The following DPY19L1 variants were observed in gnomAD, a reference collection of about 807,000 sequenced individuals.
DPY19L1 encodes the protein dpy-19 like C-mannosyltransferase 1, also known as protein C-mannosyl-transferase DPY19L1.
DPY19L1 carries 35 observed loss-of-function variants against 96.9 expected under a neutral mutation model. That is an observed-to-expected ratio of 0.36 (90% CI 0.28 to 0.48). The LOEUF is 0.48. DPY19L1 is among the 20% of genes least tolerant of loss of function. The pLI is 0.99. For missense variants in DPY19L1, 521 were observed against 777.9 expected, an observed-to-expected ratio of 0.67 and a Z score of 3.93; for synonymous variants, 205 against 252.6, an observed-to-expected ratio of 0.81 and a Z score of 1.79.
intron 1 of DPY19L1, 61 bp from the exon 2 acceptor site, chr7:35,018,657 A>C (rs1210606273): frequency 1.0e-5 from 15 of 1,447,304 alleles, no homozygotes; most frequent in Non-Finnish European, 1.2e-5. Flanking sequence ...CTTACAGAAA[A>C]GCCATTTCAA....
At chr7:34,946,157 A>G (rs1471974035) in intron 15 of DPY19L1, among the ~76,000 whole-genome samples, 4 of 152,198 alleles carry the variant, frequency 2.6e-5, no homozygotes, top group Non-Finnish European at 5.9e-5. Flanking sequence ...AGCATTCAAA[A>G]CACAGTCACT....
chr7:35,017,518 A>C (rs113238099), intron 3 of DPY19L1, among the ~76,000 whole-genome samples: 1,882 of 91,040 alleles, frequency 0.021, 123 homozygotes, highest in African/African-American at 0.046. Flanking sequence ...AAAAAAAAAA[A>C]AAAATTAGCC....
chr7:35,002,210 AG>A (rs1785444695), intron 6 of DPY19L1, among the ~76,000 whole-genome samples: 1 of 151,862 alleles, frequency 6.6e-6, no homozygotes, highest in Non-Finnish European at 1.5e-5. Context: ...TTATTCTGGG[AG>A]GGTAAAAACA....
At chr7:35,000,209 G>A (rs1195100753) in intron 6 of DPY19L1, among the ~76,000 whole-genome samples, 2 of 152,108 alleles carry the variant, frequency 1.3e-5, no homozygotes, top group Non-Finnish European at 2.9e-5. Context: ...TCATAAAAAT[G>A]TTCCAGATAA....
rs757541421 is a variant in DPY19L1 at position 34,938,091 on chromosome 7, A to G, written c.1993T>C (p.Tyr665His). ...ACTTCTTCGGCTGCTTTCCGACTAT[A>G]CATTGAGTATACTATTTTTGTTCTG... ...RARTKIVYSM[Y>H]SRKAAEEVKR... The change falls in exon 21 of 22, where the codon TAT (tyrosine) becomes CAT (histidine). Residue 665 changes from tyrosine (Y) to histidine (H), a missense_variant. Coordinates refer to ENST00000638088, the MANE Select transcript of DPY19L1 (RefSeq NM_001366673.1). 6.2e-7 allele frequency: 1 copy of G among 1,613,834 alleles called. No homozygotes were observed. The highest frequency in any genetic ancestry group is 1.7e-5 in the Admixed American group (1 of 60,004).
intron 1 of DPY19L1, among the ~76,000 whole-genome samples, chr7:35,027,246 T>C (rs1254924209): frequency 6.6e-6 from 1 of 151,942 alleles, no homozygotes; most frequent in Admixed American, 6.6e-5. Flanking sequence ...TCTCTTTGGT[T>C]GTCTCCATCC....
At chr7:34,951,072 CAATA>C (rs1784257822) in intron 13 of DPY19L1, among the ~76,000 whole-genome samples, 1 of 151,774 alleles carries the variant, frequency 6.6e-6, no homozygotes, top group East Asian at 1.9e-4. Context: ...TGAAAAGAGA[CAATA>C]AATATTATAT....
intron 11 of DPY19L1, among the ~76,000 whole-genome samples, chr7:34,956,505 G>A (rs1784382225): frequency 6.6e-6 from 1 of 151,684 alleles, no homozygotes; most frequent in South Asian, 2.1e-4. Flanking sequence ...TTTGAGAAAT[G>A]GGTATTTTTT....
At position 34,990,274 on chromosome 7, in the gene DPY19L1, T is replaced by C. The variant is rs559159825; in HGVS notation, c.765-333A>G. ...TTTTTATTTTCTTTAGTACCTCATA[T>C]TTATTTATGTCCTTCAACATTTCTC... On this transcript the variant is annotated intron_variant, in intron 6 of 21. Coordinates refer to ENST00000638088, the MANE Select transcript of DPY19L1 (RefSeq NM_001366673.1). Among the ~76,000 whole-genome samples the C allele has an allele frequency of 3.9e-5, 6 of 152,300 alleles. No homozygotes were observed. In the East Asian group the frequency reaches 1.2e-3, roughly 29 times the overall value.
At chr7:34,960,212 A>T (rs1784473964) in intron 10 of DPY19L1, among the ~76,000 whole-genome samples, 1 of 151,736 alleles carries the variant, frequency 6.6e-6, no homozygotes, top group South Asian at 2.1e-4. Flanking sequence ...AGCTTCAAAA[A>T]CTAAAATTTT....
chr7:34,956,642 T>C (rs1784385737), intron 11 of DPY19L1, among the ~76,000 whole-genome samples: 1 of 151,940 alleles, frequency 6.6e-6, no homozygotes, highest in Non-Finnish European at 1.5e-5. Context: ...TAGCTGGGAC[T>C]ACAGGCGCCC....
At chr7:35,003,548 A>T (rs1423283876) in intron 6 of DPY19L1, among the ~76,000 whole-genome samples, 1 of 152,212 alleles carries the variant, frequency 6.6e-6, no homozygotes. Context: ...AGCCAGGGTA[A>T]ACAGTGGTGA....
At chr7:35,019,070 GAGA>G (rs1057117971) in intron 1 of DPY19L1, among the ~76,000 whole-genome samples, 19 of 152,062 alleles carry the variant, frequency 1.2e-4, no homozygotes, top group African/African-American at 4.6e-4. Flanking sequence ...ATGAGTAAAG[GAGA>G]AGAAAAGGTA....
In DPY19L1 at chr7:35,028,763, T is replaced by C. The variant is rs566045220; in HGVS notation, c.298+8334A>G. On this transcript the variant is annotated intron_variant, in intron 1 of 21. Transcript: ENST00000638088. ...CATACTTATGGTTATTTTTTGATTA[T>C]ATGCTAAACAAGGGGTGGATTATTC... 4.6e-5 allele frequency among the ~76,000 whole-genome samples: 7 copies of C among 152,342 alleles called. No individual in the cohort carries two copies. The South Asian group carries it at 1.0e-3, about 23-fold the overall frequency.
At chr7:34,981,314 T>C (rs1275149828) in intron 7 of DPY19L1, among the ~76,000 whole-genome samples, 1 of 152,168 alleles carries the variant, frequency 6.6e-6, no homozygotes, top group Non-Finnish European at 1.5e-5. Flanking sequence ...GATTTATCTT[T>C]ATAGAACACC....
At chr7:35,011,232 T>G in intron 5 of DPY19L1, 98 bp downstream of exon 5, 1 of 1,394,624 alleles carries the variant, frequency 7.2e-7, no homozygotes, top group Non-Finnish European at 9.9e-7. Context: ...AAAATGGGTG[T>G]TGTTTATACC....
At chr7:34,941,490 A>T (rs1406254966) in intron 18 of DPY19L1, among the ~76,000 whole-genome samples, 2 of 152,360 alleles carry the variant, frequency 1.3e-5, no homozygotes, top group East Asian at 3.9e-4. Context: ...TTATTTGTAC[A>T]ATTAAGCTCT....
rs540495641 is a variant in DPY19L1, at chr7:34,976,257, C to T, written c.823-2652G>A. On this transcript the variant is annotated intron_variant, in intron 7 of 21. Transcript: ENST00000638088. ...TAGGACTTTGGAAGTTTATTTCAAC[C>T]CTCATGGGAGACTTAGATGGGCTCA... is the stretch of plus-strand genomic sequence containing the variant. 3.3e-5 allele frequency among the ~76,000 whole-genome samples: 5 copies of T among 152,258 alleles called. No individual in the cohort carries two copies. In the East Asian group the frequency reaches 5.8e-4, roughly 18 times the overall value.
chr7:35,002,657 T>C (rs996122110), intron 6 of DPY19L1, among the ~76,000 whole-genome samples: 82 of 152,076 alleles, frequency 5.4e-4, no homozygotes, highest in Admixed American at 1.9e-3. Context: ...ACAAAGAAGA[T>C]ATTCTACAAT....
Sources: allele counts gnomAD v4.1 joint callset (sites outside exome capture counted in the v4.1 genomes callset), GRCh38; gene constraint gnomAD v4.1.1; transcripts MANE v1.5; gene names NCBI Gene and HGNC (gene_info 2026-07-23, HGNC 2026-07-21).